FBXL13: variants seen among roughly 807,000 people sequenced by gnomAD.
The protein encoded by FBXL13 is F-box and leucine rich repeat protein 13.
Under a neutral mutation model 83.6 loss-of-function variants are expected in FBXL13, and 67 were observed. The observed-to-expected ratio is 0.80, with a 90% CI of 0.66 to 0.98. The LOEUF (loss-of-function observed/expected upper bound fraction) is 0.98, where lower values mean the gene tolerates loss of function less well. FBXL13 is among the 50% of genes least tolerant of loss of function. The pLI is 0.00. For missense variants in FBXL13, 822 were observed against 866.5 expected (o/e 0.95, Z 0.64); for synonymous variants, 272 against 299.5 (o/e 0.91, Z 0.95).
At chr7:103,014,000 A>C (rs1242937901) in intron 6 of FBXL13, among the ~76,000 whole-genome samples, 3 of 152,196 alleles carry the variant, frequency 2.0e-5, no homozygotes. Context: ...AGAGATTATT[A>C]TGAACACTTC....
chr7:102,899,768 C>G (rs1331509857), intron 11 of FBXL13, among the ~76,000 whole-genome samples: 1 of 152,132 alleles, frequency 6.6e-6, no homozygotes, highest in African/African-American at 2.4e-5. Context: ...AAAGAACCTA[C>G]AGTGTGTATC....
intron 6 of FBXL13, among the ~76,000 whole-genome samples, chr7:103,000,910 T>C (rs1017104643): frequency 6.6e-6 from 1 of 152,174 alleles, no homozygotes; most frequent in African/African-American, 2.4e-5. Flanking sequence ...CTACTCCTGC[T>C]CTTTTTTGGT....
intron 1 of FBXL13, among the ~76,000 whole-genome samples, chr7:103,062,038 A>AC (rs555070558): frequency 7.9e-5 from 12 of 151,274 alleles, no homozygotes; most frequent in East Asian, 1.9e-4. Flanking sequence ...AAAAAAAAAA[A>AC]AAAAAACAAA....
intron 6 of FBXL13, among the ~76,000 whole-genome samples, chr7:103,001,057 A>C (rs866876998): frequency 8.6e-5 from 13 of 151,414 alleles, no homozygotes; most frequent in Admixed American, 2.0e-4. Context: ...CAATCCTCCC[A>C]CCTCAGCCTC....
chr7:103,047,915 C>G (rs1186207405), intron 2 of FBXL13, among the ~76,000 whole-genome samples: 1 of 152,174 alleles, frequency 6.6e-6, no homozygotes, highest in African/African-American at 2.4e-5. Context: ...GGGCTGGTCT[C>G]AAACTCCTAG....
chr7:102,926,981 A>T (rs1818263224), intron 9 of FBXL13, among the ~76,000 whole-genome samples: 1 of 152,182 alleles, frequency 6.6e-6, no homozygotes, highest in Non-Finnish European at 1.5e-5. Context: ...AGGAGATTCA[A>T]TGCTGGGAGT....
chr7:102,894,933 G>T (rs1334091960), intron 11 of FBXL13, among the ~76,000 whole-genome samples: 3 of 152,046 alleles, frequency 2.0e-5, no homozygotes, highest in Non-Finnish European at 2.9e-5. Context: ...AAGCACCTGG[G>T]GAGGCATGCC....
intron 11 of FBXL13, among the ~76,000 whole-genome samples, chr7:102,900,196 T>C (rs1812792323): frequency 6.6e-6 from 1 of 152,224 alleles, no homozygotes; most frequent in Non-Finnish European, 1.5e-5. Flanking sequence ...TAATATCATA[T>C]AAATACATTT....
intron 11 of FBXL13, among the ~76,000 whole-genome samples, chr7:102,891,160 G>C (rs1468365560): frequency 6.6e-6 from 1 of 152,182 alleles, no homozygotes; most frequent in Non-Finnish European, 1.5e-5. Flanking sequence ...GTCCTCTATA[G>C]GGACAGGAAG....
chr7:102,971,967 A>G (rs1176258550), intron 6 of FBXL13, among the ~76,000 whole-genome samples: 1 of 151,732 alleles, frequency 6.6e-6, no homozygotes, highest in East Asian at 1.9e-4. Context: ...CAGAGGTTGC[A>G]GTGAGCCAAG....
At chr7:102,869,285 T>A (rs1384626622) in intron 16 of FBXL13, among the ~76,000 whole-genome samples, 1 of 152,236 alleles carries the variant, frequency 6.6e-6, no homozygotes, top group Non-Finnish European at 1.5e-5. Context: ...TGTCTTCTTT[T>A]GAGAAATATC....
chr7:102,955,717 C>A (rs988630938), intron 8 of FBXL13, among the ~76,000 whole-genome samples: 4 of 151,904 alleles, frequency 2.6e-5, no homozygotes, highest in Non-Finnish European at 5.9e-5. Flanking sequence ...ACCAATCCCA[C>A]AGAAATACAA....
At chr7:102,912,671 A>ACCCC (rs3832498) in intron 11 of FBXL13, among the ~76,000 whole-genome samples, 2 of 73,626 alleles carry the variant, frequency 2.7e-5, no homozygotes, top group East Asian at 3.9e-4. Flanking sequence ...ATAGCATTTT[A>ACCCC]CCCCCCCCCC....
intron 17 of FBXL13, among the ~76,000 whole-genome samples, chr7:102,850,367 T>A (rs768230716): frequency 6.6e-6 from 1 of 152,142 alleles, no homozygotes; most frequent in Non-Finnish European, 1.5e-5. Context: ...TAATCAATAA[T>A]GTACATTAAG....
intron 11 of FBXL13, among the ~76,000 whole-genome samples, chr7:102,905,585 T>C (rs562529958): frequency 6.6e-6 from 1 of 152,162 alleles, no homozygotes; most frequent in Non-Finnish European, 1.5e-5. Flanking sequence ...TATCTTTTCA[T>C]TGGAGAGTTT....
chr7:103,026,139 T>C (rs1793883730), intron 5 of FBXL13, among the ~76,000 whole-genome samples: 1 of 151,980 alleles, frequency 6.6e-6, no homozygotes, highest in African/African-American at 2.4e-5. Flanking sequence ...AGGGATTTTT[T>C]TGTTTGTTTG....
At position 102,998,014 on chromosome 7, in the gene FBXL13, AT is replaced by A. The variant is rs369862646; in HGVS notation, c.495+27048del. ...CATTGTCTTCCATATCACTGTACTA[AT>A]TTACATTCCCACCAACAGTGTATGA... On this transcript the variant is annotated intron_variant, in intron 6 of 19. Coordinates refer to ENST00000313221, the Ensembl canonical transcript of FBXL13. 4.9e-3 allele frequency among the ~76,000 whole-genome samples: 747 copies of A among 152,230 alleles called. 8 individuals are homozygous for A. The highest frequency in any genetic ancestry group is 0.017 in the African/African-American group (691 of 41,542).
intron 17 of FBXL13, among the ~76,000 whole-genome samples, chr7:102,851,437 T>TTCCCTCCGTCCCTCCCTCTCCC (rs1554416342): frequency 6.9e-6 from 1 of 144,086 alleles, no homozygotes; most frequent in African/African-American, 2.7e-5. Flanking sequence ...TCTCTCTTTC[T>TTCCCTCCGTCCCTCCCTCTCCC]TCCCTCCTTC....
At chr7:102,914,757 G>A (rs1271188039) in intron 10 of FBXL13, among the ~76,000 whole-genome samples, 1 of 152,224 alleles carries the variant, frequency 6.6e-6, no homozygotes, top group African/African-American at 2.4e-5. Flanking sequence ...GGTGGGCAGG[G>A]CCTGAAGGAG....
Sources: gnomAD v4.1 joint callset for allele counts (sites outside exome capture counted in the v4.1 genomes callset) on GRCh38, gnomAD v4.1.1 for gene constraint, MANE v1.5 for transcripts, NCBI Gene and HGNC (gene_info 2026-07-23, HGNC 2026-07-21) for gene names.